Variants in COL13A1 observed in about 807,000 individuals in gnomAD.
COL13A1 encodes collagen alpha-1(XIII) chain.
COL13A1 carries 89 observed loss-of-function variants against 130.9 expected under a neutral mutation model. The ratio of observed to expected loss-of-function variants is 0.68; its 90% CI spans 0.57 to 0.81. The LOEUF (loss-of-function observed/expected upper bound fraction) is 0.81, where lower values mean the gene tolerates loss of function less well. Ranked by LOEUF, COL13A1 falls within the 30% of genes least tolerant of loss-of-function variation. COL13A1 has a pLI of 0.00. For missense variants in COL13A1, 879 were observed against 934.6 expected (o/e 0.94, Z 0.78); for synonymous variants, 402 against 341.6 (o/e 1.18, Z -1.95).
chr10:69,892,790 C>T (rs1479546440), intron 10 of COL13A1, among the ~76,000 whole-genome samples: 3 of 152,204 alleles, frequency 2.0e-5, no homozygotes, highest in African/African-American at 7.2e-5. Context: ...TTTTTATTTG[C>T]ACTCTGCTTG....
At chr10:69,839,892 A>G (rs900953371) in intron 2 of COL13A1, among the ~76,000 whole-genome samples, 10 of 152,224 alleles carry the variant, frequency 6.6e-5, no homozygotes, top group Non-Finnish European at 1.5e-4. Flanking sequence ...ATGAGCCAGG[A>G]AGCCACAGGA....
intron 2 of COL13A1, among the ~76,000 whole-genome samples, chr10:69,836,323 G>A (rs1180893836): frequency 1.3e-5 from 2 of 152,002 alleles, no homozygotes; most frequent in Admixed American, 6.5e-5. Context: ...TGGGAGGCCG[G>A]CCCCAATCAA....
chr10:69,865,358 G>T (rs976298392), intron 2 of COL13A1, among the ~76,000 whole-genome samples: 1 of 152,218 alleles, frequency 6.6e-6, no homozygotes, highest in Admixed American at 6.5e-5. Flanking sequence ...GCATCTTAGA[G>T]CTGCCAGGCA....
intron 2 of COL13A1, among the ~76,000 whole-genome samples, chr10:69,862,544 C>A (rs1395573701): frequency 6.6e-6 from 1 of 152,152 alleles, no homozygotes; most frequent in Non-Finnish European, 1.5e-5. Flanking sequence ...CCTTCACAGG[C>A]CAGTGAAGGG....
chr10:69,846,114 A>G (rs1259877314), intron 2 of COL13A1, among the ~76,000 whole-genome samples: 1 of 152,178 alleles, frequency 6.6e-6, no homozygotes, highest in Admixed American at 6.5e-5. Context: ...ATAAACTTTT[A>G]TGAAGGCTTT....
rs1565066986 is a variant in COL13A1 at position 69,921,095 on chromosome 10, T to C, written c.1090-787T>C. On this transcript the variant is annotated intron_variant, in intron 21 of 40. Transcript: ENST00000645393. ...GAAGAAATTCATTGTCCCACAGTTC[T>C]GGAAGCTGGAAGTCCAAAAGCAAGG... 4.6e-5 allele frequency among the ~76,000 whole-genome samples: 7 copies of C among 152,198 alleles called. No homozygotes were observed. The South Asian group carries it at 1.5e-3, about 32-fold the overall frequency.
chr10:69,814,439 G>T (rs1843895065), intron 1 of COL13A1, among the ~76,000 whole-genome samples: 1 of 152,194 alleles, frequency 6.6e-6, no homozygotes, highest in Admixed American at 6.5e-5. Flanking sequence ...GTGGGAGGAG[G>T]CAGGCCTGGC....
intron 16 of COL13A1, among the ~76,000 whole-genome samples, 180 bp from the exon 17 acceptor site, chr10:69,905,607 G>A (rs1425688613): frequency 6.6e-6 from 1 of 152,218 alleles, no homozygotes; most frequent in African/African-American, 2.4e-5. Flanking sequence ...AGAACAATCT[G>A]TGTTGTCCTC....
At position 69,925,776 on chromosome 10, in the gene COL13A1, G is replaced by C. The variant is rs1227778; in HGVS notation, c.1330-28G>C. 959,350 of 1,563,620 alleles carry C rather than the reference G, an allele frequency of 0.61. 295,498 individuals carry two copies. The highest frequency in any genetic ancestry group is 0.64 in the African/African-American group (47,350 of 73,828). On this transcript the variant is annotated intron_variant, in intron 25 of 40. Transcript: ENST00000645393. ...CCTCCCGGCCCTCCCGGTCCAGGCC[G>C]TGGGTTGAGATCTCATTTGCCTTCC...
intron 25 of COL13A1, 118 bp downstream of exon 25, chr10:69,925,125 C>A: frequency 9.7e-7 from 1 of 1,028,224 alleles, no homozygotes; most frequent in Non-Finnish European, 1.3e-6. Context: ...AGGGCACGTG[C>A]CCAAGAGACA....
At chr10:69,813,038 A>G (rs954087610) in intron 1 of COL13A1, among the ~76,000 whole-genome samples, 6 of 152,214 alleles carry the variant, frequency 3.9e-5, no homozygotes, top group Non-Finnish European at 8.8e-5. Context: ...CCCTCCCTAG[A>G]GTATCAACTT....
chr10:69,909,728 C>A (rs1256159642), intron 17 of COL13A1, among the ~76,000 whole-genome samples: 1 of 152,198 alleles, frequency 6.6e-6, no homozygotes, highest in Non-Finnish European at 1.5e-5. Flanking sequence ...GATATCTTGA[C>A]CCCCAGTGAT....
chr10:69,851,944 C>G (rs4746920), intron 2 of COL13A1, among the ~76,000 whole-genome samples: 1 of 151,994 alleles, frequency 6.6e-6, no homozygotes, highest in African/African-American at 2.4e-5. Context: ...TGTGAGCCAC[C>G]GCTCCTGGCC....
chr10:69,894,503 T>G, intron 10 of COL13A1, 49 bp from the exon 11 acceptor site: 1 of 1,610,960 alleles, frequency 6.2e-7, no homozygotes, highest in Non-Finnish European at 8.5e-7. Context: ...TGTCCCTGAT[T>G]GCCTGTCTTC....
At chr10:69,888,110 C>T (rs1243557673) in intron 8 of COL13A1, among the ~76,000 whole-genome samples, 194 bp from the exon 9 acceptor site, 1 of 152,230 alleles carries the variant, frequency 6.6e-6, no homozygotes, top group African/African-American at 2.4e-5. Flanking sequence ...TTCTATTATT[C>T]TCAACCCCAT....
chr10:69,812,055 C>G (rs1843184044), intron 1 of COL13A1, among the ~76,000 whole-genome samples: 1 of 152,214 alleles, frequency 6.6e-6, no homozygotes, highest in Non-Finnish European at 1.5e-5. Context: ...CTTATCCACA[C>G]AGTAGCCAGA....
chr10:69,909,712 A>G lies in COL13A1; in HGVS notation c.921+3890A>G, dbSNP rs375815813. Among the ~76,000 whole-genome samples, 54 of 152,332 alleles carry G rather than the reference A, an allele frequency of 3.5e-4. 3 individuals are homozygous for G. In the East Asian group the frequency reaches 3.9e-3, roughly 11 times the overall value. On this transcript the variant is annotated intron_variant, in intron 17 of 40. Transcript: ENST00000645393. ...ATCCCACTGCCCCAGCCTCACTGGG[A>G]CAGCAGATATCTTGACCCCCAGTGA...
chr10:69,897,540 G>A, intron 13 of COL13A1: 1 of 1,613,884 alleles, frequency 6.2e-7, no homozygotes, highest in South Asian at 1.1e-5. Flanking sequence ...AGGTTTGTAG[G>A]TTCTGGAAGG....
At chr10:69,843,030 G>A (rs1211226172) in intron 2 of COL13A1, among the ~76,000 whole-genome samples, 2 of 152,184 alleles carry the variant, frequency 1.3e-5, no homozygotes, top group Non-Finnish European at 2.9e-5. Flanking sequence ...TCCGGCTGCT[G>A]AGCCTAAAGG....
Sources: allele counts gnomAD v4.1 joint callset (sites outside exome capture counted in the v4.1 genomes callset), GRCh38; gene constraint gnomAD v4.1.1; transcripts MANE v1.5; gene names NCBI Gene and HGNC (gene_info 2026-07-23, HGNC 2026-07-21).